Variants in DEPDC5 observed in about 807,000 individuals in gnomAD.
DEPDC5 encodes the protein DEP domain containing 5, GATOR1 subcomplex subunit.
In DEPDC5, 73 loss-of-function variants were observed where a neutral mutation model predicts 217.3. The ratio of observed to expected loss-of-function variants is 0.34; its 90% CI spans 0.28 to 0.41. DEPDC5 has a LOEUF of 0.41. DEPDC5 is among the 10% of genes least tolerant of loss of function. The probability of loss-of-function intolerance (pLI) is 1.00; values close to 1 mark genes in which losing one functional copy is unlikely to be tolerated. For missense variants in DEPDC5, 1,675 were observed against 2,070.1 expected, an observed-to-expected ratio of 0.81 and a Z score of 3.70; for synonymous variants, 733 against 756.7, an observed-to-expected ratio of 0.97 and a Z score of 0.51.
In DEPDC5 at chr22:31,792,787, A is replaced by G. The variant is rs1322667535; in HGVS notation, c.737A>G (p.His246Arg). The change falls in exon 12 of 43, where the codon CAC (histidine) becomes CGC (arginine). Residue 246 changes from histidine (H) to arginine (R), a missense_variant. By Grantham distance (29) the His-to-Arg change is conservative. Coordinates refer to ENST00000651528, the MANE Select transcript of DEPDC5 (RefSeq NM_001242896.3). ...EINRASIRQDHKGRFYEDFYK... is the reference protein window; with the variant it reads ...EINRASIRQDRKGRFYEDFYK... ...AACCGAGCCTCAATTCGACAGGATC[A>G]CAAGGGGAGATTCTATGAAGACTTT... The G allele has an allele frequency of 6.5e-7, 1 of 1,546,772 alleles. No individual in the cohort carries two copies. Among genetic ancestry groups the G allele is most frequent in the Admixed American group, 2.3e-5 (1 of 43,812 alleles).
At chr22:31,862,754 A>T (rs1385151084) in intron 33 of DEPDC5, among the ~76,000 whole-genome samples, 4 of 149,494 alleles carry the variant, frequency 2.7e-5, no homozygotes, top group East Asian at 4.0e-4. Flanking sequence ...AGGTCTTCGG[A>T]TATCCCCACC....
chr22:31,765,212 C>A, intron 5 of DEPDC5, 152 bp downstream of exon 5: 2 of 654,742 alleles, frequency 3.1e-6, no homozygotes, highest in Non-Finnish European at 5.4e-6. Context: ...CATCAGGAGG[C>A]TGAGACAGGA....
chr22:31,906,226 C>T lies in DEPDC5; in HGVS notation c.4541C>T (p.Pro1514Leu), dbSNP rs1294976211. The T allele has an allele frequency of 1.2e-6, 2 of 1,613,954 alleles. No homozygotes were observed. Among genetic ancestry groups the T allele is most frequent in the Non-Finnish European group, 1.7e-6 (2 of 1,179,976 alleles). Residue 1514 changes from proline to leucine, a missense_variant, in exon 43 of 43, where the codon CCC (proline) becomes CTC (leucine). Transcript: ENST00000651528. This position sits in a 1 kb window ranked among gnomAD's most constrained non-coding sequence, Gnocchi z 5.1. ...HVTGTVFLQL[P>L]YSKRKFSGQQ... ...TCAGGAACAGTGTTTCTGCAGCTGCCCTACTCCAAGCGCAAGTTCTCAGGG... is the reference window on the plus strand; with the variant it reads ...TCAGGAACAGTGTTTCTGCAGCTGCTCTACTCCAAGCGCAAGTTCTCAGGG...
At chr22:31,884,812 A>G (rs747546324) in intron 38 of DEPDC5, among the ~76,000 whole-genome samples, 1 of 152,172 alleles carries the variant, frequency 6.6e-6, no homozygotes, top group Non-Finnish European at 1.5e-5. Context: ...AGAACCAGCT[A>G]GCCCTGCTGT....
intron 30 of DEPDC5, 139 bp from the exon 31 acceptor site, chr22:31,846,695 A>G: frequency 8.2e-7 from 1 of 1,216,244 alleles, no homozygotes; most frequent in Non-Finnish European, 1.2e-6. Flanking sequence ...TCACTTACTG[A>G]ACACTGAGAA....
At chr22:31,767,356 C>G (rs865894610) in intron 6 of DEPDC5, among the ~76,000 whole-genome samples, 14 of 151,300 alleles carry the variant, frequency 9.3e-5, no homozygotes, top group Middle Eastern at 6.9e-3. Context: ...AGTGCAATGG[C>G]GTGATCTCGG....
chr22:31,806,176 A>T lies in DEPDC5; in HGVS notation c.1272A>T (p.Lys424Asn), dbSNP rs1406415856. Residue 424 changes from lysine to asparagine, a missense_variant, in exon 18 of 43, where the codon AAA becomes AAT. Coordinates refer to ENST00000651528, the MANE Select transcript of DEPDC5 (RefSeq NM_001242896.3). ...LFCNSFTPRIKLAGKKPASEK... is the reference protein window; with the variant it reads ...LFCNSFTPRINLAGKKPASEK... ...GTAATAGTTTCACCCCACGAATAAAACTGGCAGGAAAGAAGGTAGGTTTTT... is the reference window on the plus strand; with the variant it reads ...GTAATAGTTTCACCCCACGAATAAATCTGGCAGGAAAGAAGGTAGGTTTTT... 1.2e-6 allele frequency: 2 copies of T among 1,613,864 alleles called. No homozygotes were observed. The highest frequency in any genetic ancestry group is 1.7e-6 in the Non-Finnish European group (2 of 1,179,926).
At chr22:31,811,652 T>C (rs1448763195) in intron 20 of DEPDC5, among the ~76,000 whole-genome samples, 1 of 151,126 alleles carries the variant, frequency 6.6e-6, no homozygotes, top group South Asian at 2.1e-4. Context: ...TGGGCTCAAG[T>C]GATCCTCTTG....
chr22:31,897,632 G>A lies in DEPDC5; in HGVS notation c.4354G>A (p.Gly1452Ser), dbSNP rs1452980660. The stretch of plus-strand genomic sequence containing the variant: ...CAACATCAGCTGCTTGCTCAAGGAG[G>A]GCAGCGAGCACCTGTTTGATAGTAA... ...PLNISCLLKE[G>S]SEHLFDSFEP... is the part of the protein sequence containing the mutation. Residue 1452 changes from glycine (G) to serine (S), a missense_variant, in exon 40 of 43, where the codon GGC becomes AGC. This residue lies in a region of DEPDC5 where 182 missense variants were observed against 290.1 expected (regional missense o/e 0.63). Transcript: ENST00000651528. 5.0e-6 allele frequency: 8 copies of A among 1,613,880 alleles called. No homozygotes were observed. In the East Asian group the frequency reaches 1.3e-4, roughly 27 times the overall value.
At chr22:31,754,760 T>A in intron 1 of DEPDC5, 102 bp from the exon 2 acceptor site, 1 of 733,860 alleles carries the variant, frequency 1.4e-6, no homozygotes, top group East Asian at 2.6e-5. Context: ...TGGCACCACT[T>A]CACAGCAGAG....
chr22:31,756,967 T>C (rs1162771981), intron 2 of DEPDC5, among the ~76,000 whole-genome samples: 2 of 151,394 alleles, frequency 1.3e-5, no homozygotes, highest in African/African-American at 4.9e-5. Flanking sequence ...CCAACAGATA[T>C]TTATTAGGTG....
At chr22:31,841,626 A>G (rs753746405) in intron 27 of DEPDC5, among the ~76,000 whole-genome samples, 1 of 152,186 alleles carries the variant, frequency 6.6e-6, no homozygotes, top group Admixed American at 6.5e-5. Context: ...GTGGCTCGCA[A>G]TCAGTCTGAT....
chr22:31,825,933 G>A (rs947599737), intron 24 of DEPDC5, among the ~76,000 whole-genome samples: 17 of 152,138 alleles, frequency 1.1e-4, no homozygotes, highest in African/African-American at 4.1e-4. Flanking sequence ...CACCTCATGA[G>A]CAGTGAAGCC....
intron 29 of DEPDC5, among the ~76,000 whole-genome samples, chr22:31,844,065 A>G (rs1436839059): frequency 6.6e-6 from 1 of 152,088 alleles, no homozygotes; most frequent in Admixed American, 6.6e-5. Context: ...GTCTCTACTA[A>G]AAATACAAAA....
At chr22:31,904,690 G>A (rs2093725617) in intron 41 of DEPDC5, among the ~76,000 whole-genome samples, 1 of 152,202 alleles carries the variant, frequency 6.6e-6, no homozygotes, top group Non-Finnish European at 1.5e-5. Flanking sequence ...GTTGCGGTGA[G>A]CCAAGATTGT....
intron 24 of DEPDC5, among the ~76,000 whole-genome samples, chr22:31,828,475 C>G (rs1433656203): frequency 8.2e-6 from 1 of 122,082 alleles, no homozygotes; most frequent in Non-Finnish European, 1.7e-5. Context: ...AAAAAAAAAA[C>G]AGTTCCTGGC....
intron 23 of DEPDC5, among the ~76,000 whole-genome samples, chr22:31,822,211 C>T (rs1400410811): frequency 1.3e-5 from 2 of 152,240 alleles, no homozygotes; most frequent in Non-Finnish European, 2.9e-5. Flanking sequence ...GCCCGGGTTA[C>T]ACCTGGACTC....
chr22:31,831,585 C>T (rs139900083), intron 24 of DEPDC5, among the ~76,000 whole-genome samples: 3,805 of 152,044 alleles, frequency 0.025, 61 homozygotes, highest in African/African-American at 0.041. Flanking sequence ...CTCAACCTCC[C>T]GAGTAGCTGG....
intron 26 of DEPDC5, 116 bp downstream of exon 26, chr22:31,837,271 G>A (rs2091076408): frequency 9.3e-7 from 1 of 1,077,848 alleles, no homozygotes; most frequent in African/African-American, 1.6e-5. Flanking sequence ...ATTAAAATTG[G>A]AACGATATAG....
Sources: gnomAD v4.1 joint callset for allele counts (sites outside exome capture counted in the v4.1 genomes callset) on GRCh38, gnomAD v4.1.1 for gene constraint, gnomAD v4.1.1 regional missense constraint, Gnocchi (gnomAD v3.1) non-coding constraint, MANE v1.5 for transcripts, NCBI Gene and HGNC (gene_info 2026-07-23, HGNC 2026-07-21) for gene names.